AP3B1: variants seen among roughly 807,000 people sequenced by gnomAD.
AP3B1 encodes the protein adaptor related protein complex 3 subunit beta 1.
AP3B1 carries 61 observed loss-of-function variants against 132.5 expected under a neutral mutation model. That is an observed-to-expected ratio of 0.46 (90% CI 0.37 to 0.57). The LOEUF (loss-of-function observed/expected upper bound fraction) is 0.57. Ranked by LOEUF, AP3B1 falls within the 20% of genes least tolerant of loss-of-function variation. AP3B1 has a pLI of 0.00. For missense variants in AP3B1, 1,120 were observed against 1,289.4 expected, an observed-to-expected ratio of 0.87 and a Z score of 2.01; for synonymous variants, 388 against 438.3, an observed-to-expected ratio of 0.89 and a Z score of 1.43.
intron 19 of AP3B1, 63 bp downstream of exon 19, chr5:78,113,689 T>A: frequency 6.3e-7 from 1 of 1,581,300 alleles, no homozygotes; most frequent in East Asian, 2.2e-5. Context: ...ATAAGAAACA[T>A]CTCTGCCTGG....
intron 22 of AP3B1, chr5:78,087,317 C>T (rs899205363): frequency 3.7e-5 from 6 of 164,078 alleles, no homozygotes; most frequent in African/African-American, 1.4e-4. Context: ...CACTTCTTTC[C>T]AAATTCAGAC....
intron 1 of AP3B1, among the ~76,000 whole-genome samples, chr5:78,276,517 A>G (rs938137984): frequency 9.9e-5 from 15 of 152,106 alleles, no homozygotes; most frequent in Non-Finnish European, 2.1e-4. Flanking sequence ...GGATCACTTG[A>G]GCTCAGCAGT....
rs914176898 is a variant in AP3B1, at chr5:78,002,352, CTTA to C, written c.*547_*549del. 1.1e-5 allele frequency: 4 copies of C among 365,462 alleles called. No individual in the cohort carries two copies. Among genetic ancestry groups the C allele is most frequent in the African/African-American group, 2.1e-5 (1 of 47,958 alleles). The allele number at this position is 365,462 out of a possible 1,614,324, so 22.6% of individuals were successfully genotyped here. A position where few individuals can be genotyped will look rare whatever the true frequency, so the allele number is the denominator to read the frequency against. ...ATGATTCATATGCTAGTTTATTTAT[CTTA>C]TTATTGAGAGATAATTTCATGATGA... On this transcript the variant is annotated 3_prime_UTR_variant, in exon 27 of 27. Transcript: ENST00000255194.
intron 22 of AP3B1, among the ~76,000 whole-genome samples, chr5:78,079,078 T>A (rs1749880327): frequency 6.6e-6 from 1 of 152,226 alleles, no homozygotes; most frequent in Non-Finnish European, 1.5e-5. Flanking sequence ...CATCTGAAAG[T>A]CAGACCATCT....
At chr5:78,268,264 T>C (rs964142763) in intron 1 of AP3B1, among the ~76,000 whole-genome samples, 4 of 152,182 alleles carry the variant, frequency 2.6e-5, no homozygotes, top group Admixed American at 1.3e-4. Context: ...GAGAAATTAA[T>C]GGAACTATAT....
At chr5:78,144,139 CAG>C (rs1753281246) in intron 14 of AP3B1, among the ~76,000 whole-genome samples, 2 of 152,134 alleles carry the variant, frequency 1.3e-5, no homozygotes, top group African/African-American at 2.4e-5. Flanking sequence ...GACACACACA[CAG>C]AGTCATACAT....
At chr5:78,065,844 ATC>A (rs1279234248) in intron 22 of AP3B1, among the ~76,000 whole-genome samples, 2 of 152,078 alleles carry the variant, frequency 1.3e-5, no homozygotes, top group African/African-American at 4.8e-5. Flanking sequence ...CAGGTCCCTG[ATC>A]CTGTGCTCCC....
At chr5:78,139,846 C>T (rs534881203) in intron 15 of AP3B1, among the ~76,000 whole-genome samples, 1 of 151,928 alleles carries the variant, frequency 6.6e-6, no homozygotes, top group South Asian at 2.1e-4. Flanking sequence ...ACACACTGGA[C>T]TGTAGTACGG....
chr5:78,007,251 C>A (rs551533500), intron 26 of AP3B1, among the ~76,000 whole-genome samples: 1 of 152,290 alleles, frequency 6.6e-6, no homozygotes, highest in African/African-American at 2.4e-5. Context: ...AGGGTAGTCA[C>A]AAACATAACA....
chr5:78,251,501 G>A (rs943019568), intron 2 of AP3B1, among the ~76,000 whole-genome samples: 3 of 152,206 alleles, frequency 2.0e-5, no homozygotes, highest in Non-Finnish European at 4.4e-5. Flanking sequence ...CAGCAGCAGT[G>A]CATGGTATGG....
intron 23 of AP3B1, among the ~76,000 whole-genome samples, chr5:78,037,670 T>C (rs1346420222): frequency 6.6e-6 from 1 of 152,230 alleles, no homozygotes; most frequent in Non-Finnish European, 1.5e-5. Context: ...GGAAGAGTTA[T>C]GTGAAACAAT....
chr5:78,219,099 T>A (rs1023094173), intron 6 of AP3B1, among the ~76,000 whole-genome samples: 1 of 152,110 alleles, frequency 6.6e-6, no homozygotes, highest in Non-Finnish European at 1.5e-5. Context: ...AATCTATTCA[T>A]TAAACATAAT....
At chr5:78,156,419 G>T in intron 13 of AP3B1, 52 bp from the exon 14 acceptor site, 1 of 1,242,174 alleles carries the variant, frequency 8.1e-7, no homozygotes, top group Non-Finnish European at 1.2e-6. Flanking sequence ...CAATTCAAAT[G>T]CAATATGCTT....
chr5:78,215,416 T>C (rs1034778220), intron 7 of AP3B1, among the ~76,000 whole-genome samples: 1 of 152,028 alleles, frequency 6.6e-6, no homozygotes, highest in Non-Finnish European at 1.5e-5. Flanking sequence ...ATTGTCAATA[T>C]GATGAAAAGA....
At chr5:78,025,131 TAGAGGTA>T (rs1747287212) in intron 24 of AP3B1, among the ~76,000 whole-genome samples, 1 of 152,240 alleles carries the variant, frequency 6.6e-6, no homozygotes. Context: ...TTTTTACTAA[TAGAGGTA>T]AACAATTTCA....
At chr5:78,230,922 A>G (rs1343239130) in intron 3 of AP3B1, among the ~76,000 whole-genome samples, 1 of 152,050 alleles carries the variant, frequency 6.6e-6, no homozygotes, top group East Asian at 2.0e-4. Flanking sequence ...GTTGGAGACC[A>G]GTATGGCCAA....
chr5:78,061,836 C>T (rs1393149330), intron 22 of AP3B1, among the ~76,000 whole-genome samples: 3 of 152,158 alleles, frequency 2.0e-5, no homozygotes, highest in Admixed American at 1.3e-4. Flanking sequence ...GCCTTTCCAC[C>T]CTTCTTTTTC....
chr5:78,076,680 TGAGTTCAACTATGTGGCTA>T (rs913753285), intron 22 of AP3B1, among the ~76,000 whole-genome samples: 8 of 152,324 alleles, frequency 5.3e-5, no homozygotes, highest in Admixed American at 2.0e-4. Flanking sequence ...GGCTGGAGAC[TGAGTTCAACTATGTGGCTA>T]GAGTTCAACC....
intron 22 of AP3B1, among the ~76,000 whole-genome samples, chr5:78,044,315 A>G (rs1748228392): frequency 1.3e-5 from 2 of 152,244 alleles, no homozygotes; most frequent in African/African-American, 4.8e-5. Context: ...AGGCTATGAT[A>G]ATCAACCTTA....
Sources: gnomAD v4.1 joint callset for allele counts (sites outside exome capture counted in the v4.1 genomes callset) on GRCh38, gnomAD v4.1.1 for gene constraint, MANE v1.5 for transcripts, NCBI Gene and HGNC (gene_info 2026-07-23, HGNC 2026-07-21) for gene names.